Variants in ZNF792 observed in about 807,000 individuals in gnomAD.
ZNF792 encodes the protein zinc finger protein 792.
ZNF792 carries 14 observed loss-of-function variants against 13.1 expected under a neutral mutation model. The ratio of observed to expected loss-of-function variants is 1.07; its 90% confidence interval spans 0.71 to 1.67. The LOEUF (loss-of-function observed/expected upper bound fraction) is 1.67, where lower values mean the gene tolerates loss of function less well. Among genes scored for constraint, ZNF792 ranks in the 40% most tolerant of loss-of-function variants. The probability of loss-of-function intolerance (pLI) is 0.00; values close to 1 mark genes in which losing one functional copy is unlikely to be tolerated. For synonymous variants in ZNF792, 257 were observed against 292.0 expected (o/e 0.88, Z 1.22); for missense variants, 740 against 807.9 (o/e 0.92, Z 1.02).
rs555113769 is a variant in ZNF792, at chr19:34,960,868, C to T, written c.160G>A (p.Gly54Arg). 6.2e-7 allele frequency: 1 copy of T among 1,613,848 alleles called. No individual in the cohort carries two copies. The highest frequency in any genetic ancestry group is 1.3e-5 in the African/African-American group (1 of 74,862). Residue 54 changes from glycine to arginine, a missense_variant and splice_region_variant, in exon 2 of 4, where the codon GGA (glycine) becomes AGA (arginine). Gly to Arg is a moderately radical substitution (Grantham distance 125, BLOSUM62 -2). Coordinates refer to ENST00000404801, the MANE Select transcript of ZNF792 (RefSeq NM_175872.5). ...ACCGGGGTAGGGGTGACAGCCTTAC[C>T]CAGCGAGGCTATAAGTGCAAAGTTT... is the stretch of plus-strand genomic sequence containing the variant. The part of the protein sequence containing the change: ...LENFALIASL[G>R]LISFRSHIVS...
Position 34,962,807 on chromosome 19 carries a change from T to C in ZNF792, c.33+823A>G, listed in dbSNP as rs998871609. Among the ~76,000 whole-genome samples the C allele has an allele frequency of 3.9e-5, 6 of 152,038 alleles. No individual in the cohort carries two copies. The East Asian group carries it at 9.7e-4, about 24-fold the overall frequency. ...TCAGCGGCCCACTCTTCAACTCCAT[T>C]TGGGGGTCTCTGGGACATCACAGGC... is the stretch of plus-strand genomic sequence containing the variant. On this transcript the variant is annotated intron_variant, in intron 1 of 3. Transcript: ENST00000404801.
intron 3 of ZNF792, 32 bp downstream of exon 3, chr19:34,960,203 C>T (rs376342414): frequency 6.8e-6 from 11 of 1,607,820 alleles, no homozygotes; most frequent in Admixed American, 1.7e-5. Flanking sequence ...GTGGTGAAGT[C>T]ACATCCTCCC....
rs2013445928 is a variant in ZNF792, at chr19:34,957,284, CAAT to C, written c.*669_*671del. ...ATAAAAATTCACGCCATTCAGACCA[CAAT>C]ATTATACCCATAAATTCCTACAATT... is the stretch of plus-strand genomic sequence containing the variant. On this transcript the variant is annotated 3_prime_UTR_variant, in exon 4 of 4. Transcript: ENST00000404801. The C allele has an allele frequency of 1.3e-5, 2 of 152,312 alleles. No individual in the cohort carries two copies. Among genetic ancestry groups the C allele is most frequent in the South Asian group, 4.1e-4 (2 of 4,828 alleles). 9.4% of individuals were successfully genotyped at this position (152,312 alleles called of 1,614,324 possible). A position where few individuals can be genotyped will look rare whatever the true frequency, so the allele number is the denominator to read the frequency against.
Position 34,958,894 on chromosome 19 carries a change from G to A in ZNF792, c.961C>T (p.Gln321Ter), listed in dbSNP as rs1171033335. The stretch of plus-strand genomic sequence containing the variant: ...CGATGTTTAACAAGGCTGGAGTGCT[G>A]GCTGAAGAATTTTCCACATTCACAG... ...ECCECGKFFSQHSSLVKHRRV... is the reference protein window; with the variant it reads ...ECCECGKFFS Residue 321 changes from glutamine (Q) to a stop codon, truncating the protein, a stop_gained, in exon 4 of 4, where the codon CAG (glutamine) becomes TAG (stop). Transcript: ENST00000404801. LOFTEE classifies it low-confidence loss of function (END_TRUNC). 6.2e-7 allele frequency: 1 copy of A among 1,613,906 alleles called. No individual in the cohort carries two copies. The highest frequency in any genetic ancestry group is 8.5e-7 in the Non-Finnish European group (1 of 1,179,854).
In ZNF792 at chr19:34,959,265, G is replaced by A. The variant is rs1373432065; in HGVS notation, c.590C>T (p.Pro197Leu). ...PIRTEEGQAS[P>L]VKTCRDHTSD... The stretch of plus-strand genomic sequence containing the variant: ...TGTGTGGTCTCTGCAGGTCTTTACA[G>A]GGGAAGCCTGGCCCTCCTCCGTTCT... Residue 197 changes from proline (P) to leucine (L), a missense_variant, in exon 4 of 4, where the codon CCT (proline) becomes CTT (leucine). Pro to Leu is a moderately conservative substitution (Grantham distance 98). Coordinates refer to ENST00000404801, the MANE Select transcript of ZNF792 (RefSeq NM_175872.5). 2.0e-5 allele frequency: 33 copies of A among 1,614,032 alleles called. No homozygotes were observed. Among genetic ancestry groups the A allele is most frequent in the South Asian group, 5.5e-5 (5 of 91,088 alleles).
At chr19:34,960,831 G>A (rs190518917) in intron 2 of ZNF792, 37 bp downstream of exon 2, 115 of 1,613,704 alleles carry the variant, frequency 7.1e-5, no homozygotes, top group Non-Finnish European at 8.6e-5. Context: ...CAGGCAGAGA[G>A]GAGCTCGGGA....
Position 34,958,644 on chromosome 19 carries a change from T to C in ZNF792, c.1211A>G (p.Asn404Ser), listed in dbSNP as rs897425308. 3.1e-6 allele frequency: 5 copies of C among 1,613,926 alleles called. No individual in the cohort carries two copies. Among genetic ancestry groups the C allele is most frequent in the Non-Finnish European group, 3.4e-6 (4 of 1,179,866 alleles). Reference protein sequence around the residue: ...HECSECGKSFNCNSSLIKHWR... With the variant: ...HECSECGKSFSCNSSLIKHWR... Reference sequence around the variant, plus strand: ...ATGTTTAATTAGGCTGGAGTTGCAGTTGAAAGATTTCCCACATTCACTGCA... The same window carrying C: ...ATGTTTAATTAGGCTGGAGTTGCAGCTGAAAGATTTCCCACATTCACTGCA... Residue 404 changes from asparagine to serine, a missense_variant, in exon 4 of 4, where the codon AAC becomes AGC. Physicochemically the swap from Asn to Ser is conservative, Grantham distance 46. Coordinates refer to ENST00000404801, the MANE Select transcript of ZNF792 (RefSeq NM_175872.5).
Position 34,958,856 on chromosome 19 carries a change from G to C in ZNF792, c.999C>G (p.Thr333=), listed in dbSNP as rs2651080. ...SSLVKHRRVH[T]GESPHVCGDC... ...CACCACACACGTGAGGGCTTTCACC[G>C]GTGTGAACCCTGCGATGTTTAACAA... The change falls in exon 4 of 4, where the codon ACC becomes ACG. Residue 333 remains threonine, a synonymous_variant. Transcript: ENST00000404801. The C allele has an allele frequency of 0.3, 487,484 of 1,613,604 alleles. 75,850 individuals carry two copies. Among genetic ancestry groups the C allele is most frequent in the African/African-American group, 0.43 (32,163 of 74,924 alleles).
Position 34,958,030 on chromosome 19 carries a change from T to C in ZNF792, c.1825A>G (p.Arg609Gly), listed in dbSNP as rs1204607494. ...TAGTTGACAGCGCCCTGATAAGGTC[T>C]GTTCTCAGAGCTTATCTCTGGTGTG... ...QHTPEISSEN[R>G]PYQGAVNYKL... The change falls in exon 4 of 4, where the codon AGA becomes GGA. Residue 609 changes from arginine to glycine, a missense_variant. Arg to Gly is a moderately radical substitution (Grantham distance 125). Transcript: ENST00000404801. 1.9e-6 allele frequency: 3 copies of C among 1,613,266 alleles called. No individual in the cohort carries two copies. The South Asian group carries it at 3.3e-5, about 18-fold the overall frequency.
chr19:34,959,296 G>A lies in ZNF792; in HGVS notation c.559C>T (p.Pro187Ser). 1.9e-6 allele frequency: 3 copies of A among 1,614,020 alleles called. No homozygotes were observed. Among genetic ancestry groups the A allele is most frequent in the East Asian group, 4.5e-5 (2 of 44,880 alleles). ...RKQVQQNVHN[P>S]IRTEEGQASP... is the part of the protein sequence containing the mutation. The stretch of plus-strand genomic sequence containing the variant: ...GCCTGGCCCTCCTCCGTTCTGATAG[G>A]GTTGTGTACGTTCTGCTGCACCTGT... The change falls in exon 4 of 4, where the codon CCT (proline) becomes TCT (serine). Residue 187 changes from proline (P) to serine (S), a missense_variant. By Grantham distance (74) the Pro-to-Ser change is moderately conservative (BLOSUM62 -1). Coordinates refer to ENST00000404801, the MANE Select transcript of ZNF792 (RefSeq NM_175872.5).
chr19:34,960,642 C>A, intron 2 of ZNF792: 2 of 726,196 alleles, frequency 2.8e-6, no homozygotes, highest in South Asian at 3.7e-5. Context: ...ACCCCTCATG[C>A]CTGGAGCTTC....
At position 34,956,427 on chromosome 19, in the gene ZNF792, A is replaced by C. The variant is rs1378909510; in HGVS notation, c.*1529T>G. On this transcript the variant is annotated 3_prime_UTR_variant, in exon 4 of 4. Coordinates refer to ENST00000404801, the MANE Select transcript of ZNF792 (RefSeq NM_175872.5). Reference sequence around the variant, plus strand: ...CAAACAAATCTAAAGTAAAAAATGTAAATCAACGGTTTCCTAGGGAAGGCA... The same window carrying C: ...CAAACAAATCTAAAGTAAAAAATGTCAATCAACGGTTTCCTAGGGAAGGCA... The C allele has an allele frequency of 6.6e-6, 1 of 152,202 alleles. No homozygotes were observed. The highest frequency in any genetic ancestry group is 1.9e-4 in the East Asian group (1 of 5,200). 9.4% of individuals were successfully genotyped at this position (152,202 alleles called of 1,614,324 possible).
Position 34,959,474 on chromosome 19 carries a change from G to A in ZNF792, c.381C>T (p.Cys127=). The change falls in exon 4 of 4, where the codon TGC becomes TGT. Residue 127 remains cysteine (C), a synonymous_variant. Coordinates refer to ENST00000404801, the MANE Select transcript of ZNF792 (RefSeq NM_175872.5). ...TGTCACAGGGGCAGGTCTTCTGGGG[G>A]CACAGAGTTGCCTCGGGACTCCTGT... ...AQDRSPEATL[C]PQKTCPCDIC... The A allele has an allele frequency of 1.2e-6, 2 of 1,613,190 alleles. No homozygotes were observed. Among genetic ancestry groups the A allele is most frequent in the Non-Finnish European group, 1.7e-6 (2 of 1,179,426 alleles).
chr19:34,958,673 A>C lies in ZNF792; in HGVS notation c.1182T>G (p.His394Gln). 1.2e-6 allele frequency: 2 copies of C among 1,614,154 alleles called. No individual in the cohort carries two copies. The change falls in exon 4 of 4, where the codon CAT becomes CAG. Residue 394 changes from histidine to glutamine, a missense_variant. Transcript: ENST00000404801. ...HKRVHTGRSA[H>Q]ECSECGKSFN... ...AAGATTTCCCACATTCACTGCACTC[A>C]TGGGCACTTCTGCCCGTATGAACCC...
At chr19:34,960,699 AG>A (rs2013514896) in intron 2 of ZNF792, 168 bp downstream of exon 2, 1 of 1,028,478 alleles carries the variant, frequency 9.7e-7, no homozygotes, top group African/African-American at 1.6e-5. Flanking sequence ...CAGGGAGAGG[AG>A]GGAACAATGC....
At position 34,960,376 on chromosome 19, in the gene ZNF792, G is replaced by A. The variant is rs2013509053; in HGVS notation, c.161-19C>T. On this transcript the variant is annotated intron_variant, in intron 2 of 3. Coordinates refer to ENST00000404801, the MANE Select transcript of ZNF792 (RefSeq NM_175872.5). ...ATAAGTCCTAAGGGAAAGACAGAGTGGGTCAGTGGCCAGCACCTGCCCAGT... is the reference window on the plus strand; with the variant it reads ...ATAAGTCCTAAGGGAAAGACAGAGTAGGTCAGTGGCCAGCACCTGCCCAGT... The A allele has an allele frequency of 1.2e-5, 19 of 1,610,106 alleles. No individual in the cohort carries two copies. The highest frequency in any genetic ancestry group is 1.5e-5 in the Non-Finnish European group (18 of 1,178,634).
In ZNF792 at chr19:34,960,086, T is replaced by C. The variant is rs566865317; in HGVS notation, c.283+149A>G. The C allele has an allele frequency of 1.2e-4, 137 of 1,170,114 alleles. No individual in the cohort carries two copies. In the African/African-American group the frequency reaches 1.6e-3, roughly 14 times the overall value. The allele number at this position is 1,170,114 out of a possible 1,614,324, so 72.5% of individuals were successfully genotyped here. A position where few individuals can be genotyped will look rare whatever the true frequency, so the allele number is the denominator to read the frequency against. ...ACTCAGAATAATAATGACAAGTAGA[T>C]AATGTGTCAAGCACGGGGAAGGAAA... On this transcript the variant is annotated intron_variant, in intron 3 of 3. Coordinates refer to ENST00000404801, the MANE Select transcript of ZNF792 (RefSeq NM_175872.5).
chr19:34,958,359 A>C lies in ZNF792; in HGVS notation c.1496T>G (p.Leu499Arg). Residue 499 changes from leucine (L) to arginine (R), a missense_variant, in exon 4 of 4, where the codon CTT becomes CGT. Transcript: ENST00000404801. ...CTGGTAAGGCCGTTCACCAGTGTGAAGTCTCCGATGGCTATTGAGGCTGGA... is the reference window on the plus strand; with the variant it reads ...CTGGTAAGGCCGTTCACCAGTGTGACGTCTCCGATGGCTATTGAGGCTGGA... The part of the protein sequence containing the change: ...QSSSLNSHRR[L>R]HTGERPYQCS... The C allele has an allele frequency of 6.2e-7, 1 of 1,613,572 alleles. No homozygotes were observed. The highest frequency in any genetic ancestry group is 1.3e-5 in the African/African-American group (1 of 74,966).
intron 2 of ZNF792, 102 bp downstream of exon 2, chr19:34,960,766 C>A: frequency 6.4e-7 from 1 of 1,559,562 alleles, no homozygotes; most frequent in Non-Finnish European, 8.8e-7. Context: ...GGGATGGAAG[C>A]AGTGCCAGCG....
Sources: gnomAD v4.1 joint callset for allele counts (sites outside exome capture counted in the v4.1 genomes callset) on GRCh38, gnomAD v4.1.1 for gene constraint, MANE v1.5 for transcripts, NCBI Gene and HGNC (gene_info 2026-07-23, HGNC 2026-07-21) for gene names.